The following PRKCH variants were observed in gnomAD, a reference collection of about 807,000 sequenced individuals.
PRKCH encodes the protein protein kinase C eta.
Under a neutral mutation model 82.5 loss-of-function variants are expected in PRKCH, and 28 were observed. The observed-to-expected ratio is 0.34, with a 90% confidence interval of 0.25 to 0.47. PRKCH has a LOEUF of 0.47. PRKCH is among the 20% of genes least tolerant of loss of function. The pLI is 1.00. For missense variants in PRKCH, 705 were observed against 881.8 expected (o/e 0.80, Z 2.54); for synonymous variants, 322 against 327.4 (o/e 0.98, Z 0.18).
intron 2 of PRKCH, among the ~76,000 whole-genome samples, chr14:61,424,083 T>G (rs1031579426): frequency 6.6e-6 from 1 of 152,246 alleles, no homozygotes; most frequent in Admixed American, 6.5e-5. Flanking sequence ...GTAAGACATA[T>G]CTGCTTCCCC....
At chr14:61,373,520 A>G (rs2046390286) in intron 1 of PRKCH, among the ~76,000 whole-genome samples, 1 of 151,978 alleles carries the variant, frequency 6.6e-6, no homozygotes, top group African/African-American at 2.4e-5. Context: ...GCCAGACCAT[A>G]TCATTCCGCC....
intron 1 of PRKCH, among the ~76,000 whole-genome samples, chr14:61,249,094 G>T (rs1265318091): frequency 6.6e-6 from 1 of 152,154 alleles, no homozygotes; most frequent in Non-Finnish European, 1.5e-5. Flanking sequence ...GAGCCACTGT[G>T]CCTGGCCTCG....
At chr14:61,441,727 A>ATTT (rs76602358) in intron 2 of PRKCH, among the ~76,000 whole-genome samples, 51 of 127,094 alleles carry the variant, frequency 4.0e-4, no homozygotes, top group East Asian at 1.8e-3. Context: ...TCTGCTTTGT[A>ATTT]TTTTTTTTTT....
intron 10 of PRKCH, among the ~76,000 whole-genome samples, chr14:61,513,876 A>G (rs933182930): frequency 6.6e-6 from 1 of 152,100 alleles, no homozygotes; most frequent in African/African-American, 2.4e-5. Context: ...GTGAGGATAT[A>G]GTGATTGACT....
intron 1 of PRKCH, among the ~76,000 whole-genome samples, chr14:61,205,710 G>A (rs2044517726): frequency 6.6e-6 from 1 of 152,130 alleles, no homozygotes; most frequent in Non-Finnish European, 1.5e-5. Context: ...ACAGGACAGA[G>A]CTAAAATACA....
chr14:61,220,932 G>A lies in PRKCH; in HGVS notation c.-19+33264G>A, dbSNP rs551787214. ...GACAGCCCACGTTCTGGTAAGTCTC[G>A]GGAAAGGGGAAGGGTTGGCAGAATA... On this transcript the variant is annotated intron_variant, in intron 1 of 3. Coordinates refer to the PRKCH transcript ENST00000555185. Among the ~76,000 whole-genome samples the A allele has an allele frequency of 7.9e-5, 12 of 152,102 alleles. No individual in the cohort carries two copies. In the East Asian group the frequency reaches 1.7e-3, roughly 22 times the overall value.
chr14:61,261,105 A>C (rs1396161290), intron 1 of PRKCH, among the ~76,000 whole-genome samples: 2 of 152,138 alleles, frequency 1.3e-5, no homozygotes, highest in Non-Finnish European at 1.5e-5. Flanking sequence ...CACCACCAAC[A>C]AAAAAACCAA....
chr14:61,546,024 A>C (rs766302756), intron 12 of PRKCH, among the ~76,000 whole-genome samples: 12 of 152,182 alleles, frequency 7.9e-5, no homozygotes, highest in Non-Finnish European at 1.3e-4. Context: ...CCTGTCTCCC[A>C]AGTTTTTTGC....
At chr14:61,197,046 C>T (rs2140036012) in intron 1 of PRKCH, among the ~76,000 whole-genome samples, 1 of 152,232 alleles carries the variant, frequency 6.6e-6, no homozygotes, top group South Asian at 2.1e-4. Flanking sequence ...CAACAACTTG[C>T]TCAGCCGTCT....
At chr14:61,523,859 T>C (rs890687391) in intron 10 of PRKCH, among the ~76,000 whole-genome samples, 3 of 152,222 alleles carry the variant, frequency 2.0e-5, no homozygotes, top group African/African-American at 7.2e-5. Flanking sequence ...ATAGCTCATA[T>C]CCTGGATTTG....
chr14:61,455,537 G>C (rs1884726900), intron 7 of PRKCH, among the ~76,000 whole-genome samples: 1 of 152,166 alleles, frequency 6.6e-6, no homozygotes, highest in Non-Finnish European at 1.5e-5. Flanking sequence ...TAGGCGGGCA[G>C]GATGCCAATA....
At chr14:61,341,583 G>C (rs1254515116) in intron 1 of PRKCH, among the ~76,000 whole-genome samples, 1 of 152,148 alleles carries the variant, frequency 6.6e-6, no homozygotes, top group Non-Finnish European at 1.5e-5. Context: ...GAAACCCACA[G>C]TTTCATCATA....
chr14:61,274,442 T>A (rs917560456), intron 1 of PRKCH, among the ~76,000 whole-genome samples: 7 of 152,310 alleles, frequency 4.6e-5, no homozygotes, highest in South Asian at 2.1e-4. Flanking sequence ...TGTAGCTCAT[T>A]GTGGCTGTGA....
intron 1 of PRKCH, among the ~76,000 whole-genome samples, chr14:61,244,331 G>A (rs1051117437): frequency 5.3e-5 from 8 of 152,188 alleles, no homozygotes; most frequent in African/African-American, 1.9e-4. Context: ...CCGATTAACT[G>A]TAGTTCAAGC....
At chr14:61,267,032 C>A (rs1256295946) in intron 1 of PRKCH, among the ~76,000 whole-genome samples, 1 of 152,132 alleles carries the variant, frequency 6.6e-6, no homozygotes, top group Admixed American at 6.5e-5. Flanking sequence ...CCTTTGGCAA[C>A]GTTTTATCAC....
intron 11 of PRKCH, among the ~76,000 whole-genome samples, chr14:61,530,102 C>T (rs1045259007): frequency 2.0e-5 from 3 of 152,112 alleles, no homozygotes; most frequent in Non-Finnish European, 4.4e-5. Flanking sequence ...TGAGTGAACC[C>T]AGTCCCCTTT....
chr14:61,382,464 A>G (rs1301237332), intron 1 of PRKCH, among the ~76,000 whole-genome samples: 1 of 152,160 alleles, frequency 6.6e-6, no homozygotes, highest in Non-Finnish European at 1.5e-5. Flanking sequence ...AAAAAAAACA[A>G]GAAAAACCAA....
At chr14:61,412,654 G>T (rs935892818) in intron 2 of PRKCH, among the ~76,000 whole-genome samples, 5 of 152,120 alleles carry the variant, frequency 3.3e-5, no homozygotes, top group Non-Finnish European at 7.4e-5. Flanking sequence ...CTGGACCCAT[G>T]GCATATAAAT....
At chr14:61,408,799 C>T (rs930827825) in intron 2 of PRKCH, among the ~76,000 whole-genome samples, 2 of 152,160 alleles carry the variant, frequency 1.3e-5, no homozygotes, top group African/African-American at 2.4e-5. Flanking sequence ...CCCCCTTTCT[C>T]GGCCATTGCT....
Sources: gnomAD v4.1 joint callset for allele counts (sites outside exome capture counted in the v4.1 genomes callset) on GRCh38, gnomAD v4.1.1 for gene constraint, MANE v1.5 for transcripts, NCBI Gene and HGNC (gene_info 2026-07-23, HGNC 2026-07-21) for gene names.